Variants in CNTNAP2 observed in about 807,000 individuals in gnomAD.
CNTNAP2 encodes the protein contactin-associated protein-like 2.
Under a neutral mutation model 155.2 loss-of-function variants are expected in CNTNAP2, and 98 were observed. The ratio of observed to expected loss-of-function variants is 0.63; its 90% CI spans 0.54 to 0.75. The LOEUF (loss-of-function observed/expected upper bound fraction) is 0.75, where lower values mean the gene tolerates loss of function less well. Among genes scored for constraint, CNTNAP2 ranks in the 30% least tolerant of loss-of-function variants. The pLI is 0.00. For synonymous variants in CNTNAP2, 651 were observed against 631.2 expected (o/e 1.03, Z -0.47); for missense variants, 1,727 against 1,688.1 (o/e 1.02, Z -0.40).
At chr7:146,153,099 A>T (rs1468467276) in intron 1 of CNTNAP2, among the ~76,000 whole-genome samples, 1 of 152,036 alleles carries the variant, frequency 6.6e-6, no homozygotes, top group Non-Finnish European at 1.5e-5. Flanking sequence ...TCCTATTTCC[A>T]TTTCACAAAT....
At chr7:146,298,595 T>C (rs899046902) in intron 1 of CNTNAP2, among the ~76,000 whole-genome samples, 1 of 152,202 alleles carries the variant, frequency 6.6e-6, no homozygotes, top group Non-Finnish European at 1.5e-5. Flanking sequence ...ATCAGGGGAT[T>C]TGGAGTTTAG....
chr7:146,176,641 AC>A (rs1798474701), intron 1 of CNTNAP2, among the ~76,000 whole-genome samples: 1 of 152,182 alleles, frequency 6.6e-6, no homozygotes, highest in Non-Finnish European at 1.5e-5. Flanking sequence ...TATGTGGGAT[AC>A]CTACTATGCA....
chr7:147,556,409 A>T (rs1035386162), intron 11 of CNTNAP2, among the ~76,000 whole-genome samples: 1 of 152,164 alleles, frequency 6.6e-6, no homozygotes, highest in Non-Finnish European at 1.5e-5. Flanking sequence ...TAATTCATGG[A>T]ACCAGTGAAT....
intron 13 of CNTNAP2, among the ~76,000 whole-genome samples, chr7:147,657,974 T>TTAATGAATTTTCCACAAACCTAAGTCA (rs1584883354): frequency 1.3e-5 from 2 of 148,688 alleles, no homozygotes; most frequent in Non-Finnish European, 3.0e-5. Flanking sequence ...ATAGCCGACC[T>TTAATGAATTTTCCACAAACCTAAGTCA]GGCCGGGCGC....
intron 13 of CNTNAP2, among the ~76,000 whole-genome samples, chr7:147,645,715 C>G (rs1447273703): frequency 6.6e-6 from 1 of 151,998 alleles, no homozygotes; most frequent in Non-Finnish European, 1.5e-5. Context: ...TTTAGTTTTG[C>G]CTGTGTATCA....
intron 3 of CNTNAP2, among the ~76,000 whole-genome samples, chr7:146,981,586 A>AT: frequency 6.6e-6 from 1 of 152,144 alleles, no homozygotes; most frequent in East Asian, 1.9e-4. Context: ...GTTGATTTCC[A>AT]TTTTTTTAAT....
chr7:146,590,922 G>T (rs901802969), intron 1 of CNTNAP2, among the ~76,000 whole-genome samples: 1 of 152,048 alleles, frequency 6.6e-6, no homozygotes, highest in African/African-American at 2.4e-5. Context: ...TATATTAATG[G>T]TATGTTAGAT....
At chr7:146,967,919 G>T (rs1220100797) in intron 3 of CNTNAP2, among the ~76,000 whole-genome samples, 1 of 150,096 alleles carries the variant, frequency 6.7e-6, no homozygotes, top group Admixed American at 6.6e-5. Context: ...CAGTTTTTGC[G>T]CATTCAGTAT....
At chr7:147,827,699 G>T (rs1798477580) in intron 13 of CNTNAP2, among the ~76,000 whole-genome samples, 1 of 152,112 alleles carries the variant, frequency 6.6e-6, no homozygotes, top group Non-Finnish European at 1.5e-5. Flanking sequence ...GATAGCTCCT[G>T]TAGTGCTGGC....
chr7:146,664,811 T>A (rs1267422407), intron 1 of CNTNAP2, among the ~76,000 whole-genome samples: 1 of 152,234 alleles, frequency 6.6e-6, no homozygotes, highest in Non-Finnish European at 1.5e-5. Context: ...TAATTTATTT[T>A]TTTAAATAGA....
chr7:146,645,368 G>A (rs1799793193), intron 1 of CNTNAP2, among the ~76,000 whole-genome samples: 1 of 152,130 alleles, frequency 6.6e-6, no homozygotes, highest in South Asian at 2.1e-4. Flanking sequence ...ATAACTAGTA[G>A]ATTACATATA....
At position 147,340,859 on chromosome 7, in the gene CNTNAP2, C is replaced by T. The variant is rs531576891; in HGVS notation, c.1498+40569C>T. On this transcript the variant is annotated intron_variant, in intron 9 of 23. Transcript: ENST00000361727. Reference sequence around the variant, plus strand: ...GACTATTGTCTAAATACTGCTTGCTCTGTCAGAAATGACCTCCTATCTATC... The same window carrying T: ...GACTATTGTCTAAATACTGCTTGCTTTGTCAGAAATGACCTCCTATCTATC... 1.0e-3 allele frequency among the ~76,000 whole-genome samples: 155 copies of T among 152,168 alleles called. 6 individuals carry two copies. The highest frequency in any genetic ancestry group is 6.3e-4 in the Non-Finnish European group (43 of 68,006).
At chr7:146,719,389 G>A (rs1346528328) in intron 1 of CNTNAP2, among the ~76,000 whole-genome samples, 1 of 152,186 alleles carries the variant, frequency 6.6e-6, no homozygotes, top group Non-Finnish European at 1.5e-5. Flanking sequence ...TGAAAATATT[G>A]AGAGAAGTAT....
chr7:147,921,847 A>G (rs1167888072), intron 14 of CNTNAP2, among the ~76,000 whole-genome samples: 1 of 152,210 alleles, frequency 6.6e-6, no homozygotes, highest in Admixed American at 6.5e-5. Flanking sequence ...TTCAACAAAC[A>G]TGTGTTGAGT....
intron 12 of CNTNAP2, among the ~76,000 whole-genome samples, chr7:147,566,706 T>A (rs1011507062): frequency 2.6e-5 from 4 of 152,152 alleles, no homozygotes; most frequent in African/African-American, 9.7e-5. Context: ...CAATCACCTC[T>A]CACCAGGTCC....
chr7:147,134,479 A>G (rs1456249835), intron 8 of CNTNAP2, among the ~76,000 whole-genome samples: 1 of 151,844 alleles, frequency 6.6e-6, no homozygotes, highest in East Asian at 1.9e-4. Context: ...CAGTGAAAAT[A>G]CCTTACTGCT....
intron 13 of CNTNAP2, among the ~76,000 whole-genome samples, chr7:147,859,051 T>C (rs1799092922): frequency 6.6e-6 from 1 of 152,210 alleles, no homozygotes; most frequent in South Asian, 2.1e-4. Context: ...AGTTCACAGA[T>C]AACTCAGAAT....
At chr7:147,444,999 C>G (rs1797709224) in intron 10 of CNTNAP2, among the ~76,000 whole-genome samples, 1 of 152,056 alleles carries the variant, frequency 6.6e-6, no homozygotes, top group Non-Finnish European at 1.5e-5. Context: ...GGGGGATGTG[C>G]TACATGCTTT....
chr7:146,741,805 T>C (rs909181677), intron 1 of CNTNAP2, among the ~76,000 whole-genome samples: 2 of 151,948 alleles, frequency 1.3e-5, no homozygotes, highest in African/African-American at 2.4e-5. Context: ...CAGATGGTAG[T>C]AGGAAATAAG....
Sources: gnomAD v4.1 joint callset for allele counts (sites outside exome capture counted in the v4.1 genomes callset) on GRCh38, gnomAD v4.1.1 for gene constraint, MANE v1.5 for transcripts, NCBI Gene and HGNC (gene_info 2026-07-23, HGNC 2026-07-21) for gene names.